The following LCMT1 variants were observed in gnomAD, a reference collection of about 807,000 sequenced individuals.
LCMT1 encodes leucine carboxyl methyltransferase 1.
A neutral mutation model predicts 47.7 loss-of-function variants in LCMT1; 32 were observed. The ratio of observed to expected loss-of-function variants is 0.67; its 90% CI spans 0.51 to 0.90. LCMT1 has a LOEUF of 0.90. LCMT1 is among the 40% of genes least tolerant of loss of function. The probability of loss-of-function intolerance (pLI) is 0.00; values close to 1 mark genes in which losing one functional copy is unlikely to be tolerated. For synonymous variants in LCMT1, 152 were observed against 149.7 expected, an observed-to-expected ratio of 1.02 and a Z score of -0.11; for missense variants, 375 against 415.2, an observed-to-expected ratio of 0.90 and a Z score of 0.84.
chr16:25,123,780 TG>T (rs1476849765), intron 1 of LCMT1, among the ~76,000 whole-genome samples: 1 of 151,572 alleles, frequency 6.6e-6, no homozygotes, highest in African/African-American at 2.4e-5. Flanking sequence ...GCTAATTTTT[TG>T]TATTTTTAGT....
chr16:25,128,379 C>T lies in LCMT1; in HGVS notation c.114-96C>T, dbSNP rs575877346. The T allele has an allele frequency of 9.4e-6, 8 of 848,686 alleles. No homozygotes were observed. The East Asian group carries it at 1.1e-4, about 12-fold the overall frequency. 52.6% of individuals were successfully genotyped at this position (848,686 alleles called of 1,614,324 possible). A position where few individuals can be genotyped will look rare whatever the true frequency, so the allele number is the denominator to read the frequency against. On this transcript the variant is annotated intron_variant, in intron 1 of 10. Coordinates refer to ENST00000399069, the MANE Select transcript of LCMT1 (RefSeq NM_016309.3). The stretch of plus-strand genomic sequence containing the variant: ...TTTGAGGTGGATGGTTGGTTTTCGT[C>T]GAGTTCCTTGATCTGGTTCCTGGGA...
intron 1 of LCMT1, among the ~76,000 whole-genome samples, chr16:25,116,035 A>C (rs867956839): frequency 1.3e-5 from 2 of 152,196 alleles, no homozygotes; most frequent in African/African-American, 2.4e-5. Flanking sequence ...TTCCTCCAAT[A>C]AAGACCACCA....
intron 6 of LCMT1, among the ~76,000 whole-genome samples, chr16:25,163,612 CGTGTAA>C (rs562623752): frequency 3.1e-3 from 471 of 152,164 alleles, no homozygotes; most frequent in African/African-American, 0.011. Context: ...TACACATTAT[CGTGTAA>C]GGAAAAGAAA....
chr16:25,113,486 G>A (rs183569347), intron 1 of LCMT1, among the ~76,000 whole-genome samples: 3 of 152,290 alleles, frequency 2.0e-5, no homozygotes, highest in Non-Finnish European at 2.9e-5. Context: ...GTATAATAAC[G>A]CATCATAGGT....
intron 1 of LCMT1, among the ~76,000 whole-genome samples, chr16:25,117,886 ACTG>A (rs1233890576): frequency 6.6e-6 from 1 of 152,028 alleles, no homozygotes; most frequent in Non-Finnish European, 1.5e-5. Context: ...TCATCTTGGA[ACTG>A]CCCCTTTATT....
At chr16:25,149,807 G>C (rs965765827) in intron 4 of LCMT1, among the ~76,000 whole-genome samples, 1 of 151,672 alleles carries the variant, frequency 6.6e-6, no homozygotes, top group African/African-American at 2.4e-5. Flanking sequence ...CAGCTACTTG[G>C]GAGGCTGAGA....
intron 3 of LCMT1, among the ~76,000 whole-genome samples, chr16:25,136,090 C>CA (rs36051960): frequency 0.3 from 20,299 of 68,504 alleles, 2,292 homozygotes; most frequent in East Asian, 0.43. Flanking sequence ...GATGCTGTCT[C>CA]AAAAAAAAAA....
intron 6 of LCMT1, among the ~76,000 whole-genome samples, 164 bp from the exon 7 acceptor site, chr16:25,164,434 C>T (rs780526712): frequency 1.2e-4 from 19 of 152,134 alleles, no homozygotes; most frequent in Non-Finnish European, 2.5e-4. Flanking sequence ...CGGATTGTGA[C>T]GGTATTCCAC....
At chr16:25,153,839 G>C (rs890813757) in intron 5 of LCMT1, among the ~76,000 whole-genome samples, 3 of 151,884 alleles carry the variant, frequency 2.0e-5, no homozygotes, top group African/African-American at 7.2e-5. Context: ...TGTAATCCCA[G>C]CTATTTGGGA....
intron 5 of LCMT1, chr16:25,160,758 T>TA (rs1255552393): frequency 1.9e-6 from 1 of 531,686 alleles, no homozygotes; most frequent in East Asian, 5.1e-5. Flanking sequence ...ATGCTGTTGT[T>TA]ACGTAGGAAA....
intron 5 of LCMT1, among the ~76,000 whole-genome samples, chr16:25,151,947 A>G (rs1418597859): frequency 6.6e-6 from 1 of 152,136 alleles, no homozygotes; most frequent in Admixed American, 6.5e-5. Context: ...AATAAGCTAT[A>G]GGAGTCATCA....
chr16:25,128,372 T>C, intron 1 of LCMT1, 103 bp from the exon 2 acceptor site: 1 of 784,008 alleles, frequency 1.3e-6, no homozygotes, highest in Non-Finnish European at 2.0e-6. Context: ...GGATGGTTGG[T>C]TTTCGTCGAG....
intron 10 of LCMT1, 96 bp from the exon 11 acceptor site, chr16:25,177,905 G>A (rs1421040206): frequency 9.8e-7 from 1 of 1,019,332 alleles, no homozygotes; most frequent in African/African-American, 1.6e-5. Flanking sequence ...CAGCAGTGTG[G>A]CTGGTGCCCC....
chr16:25,157,294 A>G (rs1228139624), intron 5 of LCMT1, among the ~76,000 whole-genome samples: 1 of 152,058 alleles, frequency 6.6e-6, no homozygotes, highest in East Asian at 1.9e-4. Context: ...CTATAATCCC[A>G]TTACTCTGGG....
At chr16:25,152,015 T>C (rs186397020) in intron 5 of LCMT1, among the ~76,000 whole-genome samples, 1 of 152,282 alleles carries the variant, frequency 6.6e-6, no homozygotes, top group African/African-American at 2.4e-5. Flanking sequence ...CATCCCATCA[T>C]AGGTCCCATG....
intron 5 of LCMT1, chr16:25,160,640 GGGAAAACTTAGAAAT>G: frequency 2.2e-6 from 1 of 447,044 alleles, no homozygotes. Flanking sequence ...TGCCTAGATG[GGGAAAACTTAGAAAT>G]ACCATGTCTC....
At chr16:25,170,408 G>A (rs1464512063) in intron 8 of LCMT1, among the ~76,000 whole-genome samples, 3 of 152,128 alleles carry the variant, frequency 2.0e-5, no homozygotes, top group Non-Finnish European at 4.4e-5. Flanking sequence ...TTAAAAAAAG[G>A]TGTTAGGGTC....
At chr16:25,123,223 CTTTT>C (rs750991801) in intron 1 of LCMT1, among the ~76,000 whole-genome samples, 4 of 116,178 alleles carry the variant, frequency 3.4e-5, no homozygotes, top group Admixed American at 1.0e-4. Flanking sequence ...TATATAACTT[CTTTT>C]TTTTTTTTTT....
chr16:25,164,232 C>T (rs1197328460), intron 6 of LCMT1, among the ~76,000 whole-genome samples: 2 of 152,104 alleles, frequency 1.3e-5, no homozygotes, highest in Non-Finnish European at 2.9e-5. Flanking sequence ...AGTTTCATGA[C>T]CAGCCTAGAT....
Sources: gnomAD v4.1 joint callset for allele counts (sites outside exome capture counted in the v4.1 genomes callset) on GRCh38, gnomAD v4.1.1 for gene constraint, MANE v1.5 for transcripts, NCBI Gene and HGNC (gene_info 2026-07-23, HGNC 2026-07-21) for gene names.